SDK2: variants seen among roughly 807,000 people sequenced by gnomAD.
SDK2 encodes the protein sidekick cell adhesion molecule 2.
A neutral mutation model predicts 253.9 loss-of-function variants in SDK2; 105 were observed. The ratio of observed to expected loss-of-function variants is 0.41; its 90% CI spans 0.35 to 0.49. The LOEUF (loss-of-function observed/expected upper bound fraction) is 0.49. Among genes scored for constraint, SDK2 ranks in the 20% least tolerant of loss-of-function variants. SDK2 has a pLI of 0.06. For synonymous variants in SDK2, 1,249 were observed against 1,234.9 expected (o/e 1.01, Z -0.24); for missense variants, 2,608 against 3,003.0 (o/e 0.87, Z 3.07).
intron 44 of SDK2, among the ~76,000 whole-genome samples, chr17:73,340,818 ACCTCAAC>A (rs2062430060): frequency 6.2e-5 from 1 of 16,182 alleles, no homozygotes; most frequent in African/African-American, 7.9e-5. Context: ...ATCTTGGCTC[ACCTCAAC>A]CTCTGCCTCC....
chr17:73,605,212 G>A (rs1313958364), intron 1 of SDK2, among the ~76,000 whole-genome samples: 1 of 152,126 alleles, frequency 6.6e-6, no homozygotes, highest in African/African-American at 2.4e-5. Context: ...TCAAGAGGTT[G>A]AGTGAAGGAA....
At chr17:73,472,561 C>CT (rs971339417) in intron 2 of SDK2, among the ~76,000 whole-genome samples, 51 of 152,286 alleles carry the variant, frequency 3.3e-4, no homozygotes, top group African/African-American at 1.2e-3. Context: ...ACTCACATGA[C>CT]TGAGAAAGGT....
intron 1 of SDK2, among the ~76,000 whole-genome samples, chr17:73,521,796 C>T (rs758550555): frequency 2.6e-5 from 4 of 152,170 alleles, no homozygotes; most frequent in African/African-American, 4.8e-5. Context: ...AGTCTCCTGG[C>T]GCGTACCAGG....
chr17:73,643,957 T>TGCCCCCCCCCCCCCCCCCCCCCC lies in SDK2; in HGVS notation c.64+67_64+68insGGGGGGGGGGGGGGGGGGGGGGC. 1.3e-5 allele frequency: 13 copies of TGCCCCCCCCCCCCCCCCCCCCCC among 1,019,972 alleles called. No homozygotes were observed. The highest frequency in any genetic ancestry group is 2.7e-5 in the East Asian group (1 of 37,506). 63.2% of individuals were successfully genotyped at this position (1,019,972 alleles called of 1,614,324 possible). On this transcript the variant is annotated intron_variant, in intron 1 of 44. Transcript: ENST00000392650. The surrounding 1 kb of genome is among the most constrained non-coding windows in gnomAD (Gnocchi z 6.9). ...GGAGGTCACCGTGAGGCCGGCCAGC[T>TGCCCCCCCCCCCCCCCCCCCCCC]CCCGCCGCCCCTCCCCCGCCCACTC...
intron 15 of SDK2, among the ~76,000 whole-genome samples, chr17:73,420,160 G>A (rs118130815): frequency 1.3e-5 from 2 of 152,206 alleles, no homozygotes; most frequent in Non-Finnish European, 2.9e-5. Flanking sequence ...AGCCAAGCGC[G>A]ACAGCACGTC....
At chr17:73,602,046 G>A (rs976228308) in intron 1 of SDK2, among the ~76,000 whole-genome samples, 1 of 152,212 alleles carries the variant, frequency 6.6e-6, no homozygotes, top group African/African-American at 2.4e-5. Context: ...GCCCAGCCCA[G>A]AACTGTGTTT....
In SDK2 at chr17:73,401,184, T is replaced by C; in HGVS notation, c.2807A>G (p.Asn936Ser). 6.4e-7 allele frequency: 1 copy of C among 1,554,906 alleles called. No individual in the cohort carries two copies. Among genetic ancestry groups the C allele is most frequent in the Non-Finnish European group, 8.7e-7 (1 of 1,148,840 alleles). ...GTGGGTCACACGGGTGTTGGTTCGATTGTACTCCTCCCAGGAGATCCGGTA... is the reference window on the plus strand; with the variant it reads ...GTGGGTCACACGGGTGTTGGTTCGACTGTACTCCTCCCAGGAGATCCGGTA... ...TGYRISWEEY[N>S]RTNTRVTHYL... Residue 936 changes from asparagine to serine, a missense_variant, in exon 21 of 45, where the codon AAT (asparagine) becomes AGT (serine). Physicochemically the swap from Asn to Ser is conservative, Grantham distance 46 (BLOSUM62 1). Coordinates refer to ENST00000392650, the MANE Select transcript of SDK2 (RefSeq NM_001144952.2).
chr17:73,533,676 G>GCCCCCCAC (rs1398483909), intron 1 of SDK2, among the ~76,000 whole-genome samples: 563 of 45,778 alleles, frequency 0.012, 6 homozygotes, highest in African/African-American at 0.039. Flanking sequence ...CCCTCCCCCA[G>GCCCCCCAC]CCCCCCACCC....
Position 73,338,260 on chromosome 17 carries a change from C to G in SDK2, c.*327G>C, listed in dbSNP as rs553182151. 6 of 484,668 alleles carry G rather than the reference C, an allele frequency of 1.2e-5. No homozygotes were observed. The highest frequency in any genetic ancestry group is 9.7e-5 in the African/African-American group (5 of 51,376). 30.0% of individuals were successfully genotyped at this position (484,668 alleles called of 1,614,324 possible). On this transcript the variant is annotated 3_prime_UTR_variant, in exon 45 of 45. Transcript: ENST00000392650. This position sits in a 1 kb window ranked among gnomAD's most constrained non-coding sequence, Gnocchi z 5.0. ...CCTGGCGGCCTCCAGTCCTTAGCCTCCGCTCCCTCTCTCTCTCCAGATGCC... is the reference window on the plus strand; with the variant it reads ...CCTGGCGGCCTCCAGTCCTTAGCCTGCGCTCCCTCTCTCTCTCCAGATGCC...
chr17:73,606,346 G>A (rs1486654385), intron 1 of SDK2, among the ~76,000 whole-genome samples: 1 of 152,112 alleles, frequency 6.6e-6, no homozygotes, highest in African/African-American at 2.4e-5. Flanking sequence ...ATGGGGCAGG[G>A]GCTCTGGGTG....
chr17:73,357,966 T>C (rs1226645360), intron 40 of SDK2, 113 bp downstream of exon 40: 2 of 1,511,308 alleles, frequency 1.3e-6, no homozygotes, highest in East Asian at 2.3e-5. Context: ...TCACCTGTAG[T>C]AGCACAAGCG....
At chr17:73,506,673 G>T (rs1481471915) in intron 2 of SDK2, among the ~76,000 whole-genome samples, 3 of 152,246 alleles carry the variant, frequency 2.0e-5, no homozygotes, top group Non-Finnish European at 4.4e-5. Flanking sequence ...ACCAGCCACA[G>T]GGTTGGAGCC....
At position 73,337,536 on chromosome 17, in the gene SDK2, A is replaced by G. The variant is rs1319917460; in HGVS notation, c.*1051T>C. ...GTGTGTGTGTGTGTGGTGAGGATCTATCCAGTGGAGAGTGACGTGTCTGCC... is the reference window on the plus strand; with the variant it reads ...GTGTGTGTGTGTGTGGTGAGGATCTGTCCAGTGGAGAGTGACGTGTCTGCC... On this transcript the variant is annotated 3_prime_UTR_variant, in exon 45 of 45. Transcript: ENST00000392650. 1 of 152,336 alleles carries G rather than the reference A, an allele frequency of 6.6e-6. No individual in the cohort carries two copies. Among genetic ancestry groups the G allele is most frequent in the Non-Finnish European group, 1.5e-5 (1 of 68,398 alleles). The allele number at this position is 152,336 out of a possible 1,614,324, so 9.4% of individuals were successfully genotyped here. A position where few individuals can be genotyped will look rare whatever the true frequency, so the allele number is the denominator to read the frequency against.
At position 73,377,056 on chromosome 17, in the gene SDK2, T is replaced by A. The variant is rs1273229820; in HGVS notation, c.4980+2121A>T. ...CACCTGTGGGATGAGGTGCCTTGCG[T>A]CTCTCCTACTCCCCACTTAAGCCAT... On this transcript the variant is annotated intron_variant, in intron 36 of 44. Transcript: ENST00000392650. Among the ~76,000 whole-genome samples the A allele has an allele frequency of 3.3e-5, 5 of 152,070 alleles. 1 individual carries two copies. The highest frequency in any genetic ancestry group is 2.0e-4 in the Admixed American group (3 of 15,260).
At chr17:73,419,879 CAAAAA>C (rs869121884) in intron 15 of SDK2, among the ~76,000 whole-genome samples, 3 of 122,890 alleles carry the variant, frequency 2.4e-5, no homozygotes, top group African/African-American at 8.8e-5. Context: ...GACCCTGTCT[CAAAAA>C]AAAAAAAAAA....
At chr17:73,474,941 C>A (rs956607566) in intron 2 of SDK2, among the ~76,000 whole-genome samples, 1 of 152,162 alleles carries the variant, frequency 6.6e-6, no homozygotes, top group African/African-American at 2.4e-5. Context: ...CAAATCAAGA[C>A]GACAAGACCA....
rs1040771200 is a variant in SDK2 at position 73,642,718 on chromosome 17, G to C, written c.64+1307C>G. On this transcript the variant is annotated intron_variant, in intron 1 of 44. Transcript: ENST00000392650. The surrounding 1 kb of genome is among the most constrained non-coding windows in gnomAD (Gnocchi z 4.7). ...CCTCTGAGGTCCTCGCTTGTTCAAA[G>C]ATTTTATGATGATCATAAAAATAAT... 2.0e-5 allele frequency among the ~76,000 whole-genome samples: 3 copies of C among 152,186 alleles called. No individual in the cohort carries two copies. The highest frequency in any genetic ancestry group is 6.5e-5 in the Admixed American group (1 of 15,284).
At chr17:73,410,414 A>G (rs1360156061) in intron 18 of SDK2, among the ~76,000 whole-genome samples, 1 of 152,150 alleles carries the variant, frequency 6.6e-6, no homozygotes, top group East Asian at 1.9e-4. Flanking sequence ...CCTGGGTTCA[A>G]GCGATTCTCC....
chr17:73,463,017 A>C (rs1014452191), intron 3 of SDK2, among the ~76,000 whole-genome samples: 4 of 152,214 alleles, frequency 2.6e-5, no homozygotes, highest in African/African-American at 9.6e-5. Flanking sequence ...CGGTCTGTTC[A>C]GCCAGACAGT....
Sources: allele counts gnomAD v4.1 joint callset (sites outside exome capture counted in the v4.1 genomes callset), GRCh38; gene constraint gnomAD v4.1.1; non-coding constraint Gnocchi (gnomAD v3.1); transcripts MANE v1.5; gene names NCBI Gene and HGNC (gene_info 2026-07-23, HGNC 2026-07-21).